The following PGR variants were observed in gnomAD, a reference collection of about 807,000 sequenced individuals.
PGR encodes nuclear receptor subfamily 3 group C member 3.
PGR carries 25 observed loss-of-function variants against 76.1 expected under a neutral mutation model. The observed-to-expected ratio is 0.33, with a 90% confidence interval of 0.24 to 0.46. The LOEUF is 0.46. PGR is among the 20% of genes least tolerant of loss of function. The pLI, the probability that PGR is intolerant of heterozygous loss-of-function variation, is 1.00. For missense variants in PGR, 1,172 were observed against 1,225.3 expected (o/e 0.96, Z 0.65); for synonymous variants, 579 against 535.0 (o/e 1.08, Z -1.14).
intron 4 of PGR, among the ~76,000 whole-genome samples, chr11:101,059,842 C>CAAAAAAAAAAAAAAAA (rs781123527): frequency 4.8e-4 from 30 of 62,706 alleles, no homozygotes; most frequent in East Asian, 2.1e-3. Context: ...GACCCTCTCT[C>CAAAAAAAAAAAAAAAA]AAAAAAAAAA....
intron 2 of PGR, among the ~76,000 whole-genome samples, chr11:101,123,559 T>C (rs576959946): frequency 1.3e-5 from 2 of 152,368 alleles, no homozygotes; most frequent in African/African-American, 4.8e-5. Context: ...AATTTCCTAA[T>C]GTGAACATTC....
chr11:101,129,253 C>T lies in PGR; in HGVS notation c.-183G>A, dbSNP rs1863023666. 5.6e-6 allele frequency: 3 copies of T among 531,144 alleles called. No homozygotes were observed. The highest frequency in any genetic ancestry group is 1.9e-5 in the African/African-American group (1 of 52,702). The allele number at this position is 531,144 out of a possible 1,614,324, so 32.9% of individuals were successfully genotyped here. The stretch of plus-strand genomic sequence containing the variant: ...AGGGCGGCGCTGGTCAGCTCCTGCC[C>T]TTGGCCTCCATCCTGTCGTCAGGGG... On this transcript the variant is annotated 5_prime_UTR_variant, in exon 1 of 8. Coordinates refer to ENST00000325455, the MANE Select transcript of PGR (RefSeq NM_000926.4).
At position 101,126,015 on chromosome 11, in the gene PGR, G is replaced by A; in HGVS notation, c.1781C>T (p.Ala594Val). 6.2e-7 allele frequency: 1 copy of A among 1,613,666 alleles called. No homozygotes were observed. Among genetic ancestry groups the A allele is most frequent in the Non-Finnish European group, 8.5e-7 (1 of 1,179,674 alleles). The change falls in exon 2 of 8, where the codon GCA (alanine) becomes GTA (valine). Residue 594 changes from alanine (A) to valine (V), a missense_variant. Around this residue, in one of 4 missense-constraint regions of PGR, gnomAD observed 40 missense variants for 82.7 expected, o/e 0.48. Transcript: ENST00000325455. ...AGGGGAAAGGAGCCTACCTTCCATTGCCCTCTTAAAGAAGACCTTACAGCT... is the reference window on the plus strand; with the variant it reads ...AGGGGAAAGGAGCCTACCTTCCATTACCCTCTTAAAGAAGACCTTACAGCT... ...CGSCKVFFKR[A>V]MEGQHNYLCA...
chr11:101,113,109 CA>C (rs146669057), intron 2 of PGR, among the ~76,000 whole-genome samples: 18,501 of 152,146 alleles, frequency 0.12, 1,389 homozygotes, highest in Non-Finnish European at 0.16. Context: ...ACCTTCACAA[CA>C]AAATCAAATA....
chr11:101,128,269 C>G lies in PGR; in HGVS notation c.802G>C (p.Val268Leu). Residue 268 changes from valine (V) to leucine (L), a missense_variant, in exon 1 of 8, where the codon GTC becomes CTC. Coordinates refer to ENST00000325455, the MANE Select transcript of PGR (RefSeq NM_000926.4). ...PGAAAGGVAL[V>L]PKEDSRFSAP... ...GAGAAGCGGGAATCTTCCTTGGGGA[C>G]CAGGGCGACGCCTCCTGCTGCCGCC... is the stretch of plus-strand genomic sequence containing the variant. 6.3e-7 allele frequency: 1 copy of G among 1,592,364 alleles called. No individual in the cohort carries two copies. Among genetic ancestry groups the G allele is most frequent in the Non-Finnish European group, 8.5e-7 (1 of 1,175,858 alleles).
At position 101,127,421 on chromosome 11, in the gene PGR, C is replaced by T; in HGVS notation, c.1637+13G>A. ...CCCGGACGCGCTGGGCGTGCCCCGT[C>T]CCGGGCCCTCACCTCAGGTAGTTGA... On this transcript the variant is annotated intron_variant, in intron 1 of 7. Transcript: ENST00000325455. 1 of 1,531,566 alleles carries T rather than the reference C, an allele frequency of 6.5e-7. No homozygotes were observed. The highest frequency in any genetic ancestry group is 2.0e-4 in the Middle Eastern group (1 of 5,016). The allele number at this position is 1,531,566 out of a possible 1,614,324, so 94.9% of individuals were successfully genotyped here. A position where few individuals can be genotyped will look rare whatever the true frequency, so the allele number is the denominator to read the frequency against.
At chr11:101,044,686 A>G (rs946140361) in intron 6 of PGR, among the ~76,000 whole-genome samples, 4 of 133,072 alleles carry the variant, frequency 3.0e-5, no homozygotes, top group Non-Finnish European at 6.4e-5. Flanking sequence ...CAAGATTGTT[A>G]GTTGGCCTAA....
chr11:101,068,666 A>G (rs1265437907), intron 3 of PGR, among the ~76,000 whole-genome samples: 1 of 152,192 alleles, frequency 6.6e-6, no homozygotes, highest in Non-Finnish European at 1.5e-5. Context: ...GTACCCAAAC[A>G]GATATATAGA....
At chr11:101,061,160 C>A (rs1456480434) in intron 4 of PGR, among the ~76,000 whole-genome samples, 1 of 152,092 alleles carries the variant, frequency 6.6e-6, no homozygotes, top group East Asian at 1.9e-4. Flanking sequence ...AAAAGTTCAT[C>A]AATGCTATTG....
In PGR at chr11:101,127,656, T is replaced by C; in HGVS notation, c.1415A>G (p.Gln472Arg). Residue 472 changes from glutamine (Q) to arginine (R), a missense_variant, in exon 1 of 8, where the codon CAG becomes CGG. Gln to Arg is a conservative substitution (Grantham distance 43). Around this residue, in one of 4 missense-constraint regions of PGR, gnomAD observed 893 missense variants for 785.9 expected, o/e 1.14. Transcript: ENST00000325455. ...LYKAEGAPPQ[Q>R]GPFAPPPCKA... ...GCAGGGCGGCGGCGCGAACGGGCCC[T>C]GCTGGGGCGGCGCGCCCTCCGCTTT... The C allele has an allele frequency of 6.6e-7, 1 of 1,524,990 alleles. No homozygotes were observed. 94.5% of individuals were successfully genotyped at this position (1,524,990 alleles called of 1,614,324 possible).
At chr11:101,080,435 T>A (rs536465214) in intron 3 of PGR, among the ~76,000 whole-genome samples, 2 of 147,704 alleles carry the variant, frequency 1.4e-5, no homozygotes, top group African/African-American at 5.0e-5. Context: ...AAAAAATTAT[T>A]AAAATAATAA....
intron 1 of PGR, among the ~76,000 whole-genome samples, 191 bp from the exon 2 acceptor site, chr11:101,126,349 G>A (rs1418992934): frequency 6.6e-6 from 1 of 152,166 alleles, no homozygotes; most frequent in Non-Finnish European, 1.5e-5. Context: ...ACTTGCAAAT[G>A]ATTAGCCATT....
rs1275205508 is a variant in PGR at position 101,031,751 on chromosome 11, A to C, written c.*7365T>G. 1 of 227,626 alleles carries C rather than the reference A, an allele frequency of 4.4e-6. No individual in the cohort carries two copies. The highest frequency in any genetic ancestry group is 2.2e-5 in the African/African-American group (1 of 45,038). 14.1% of individuals were successfully genotyped at this position (227,626 alleles called of 1,614,324 possible). A position where few individuals can be genotyped will look rare whatever the true frequency, so the allele number is the denominator to read the frequency against. On this transcript the variant is annotated 3_prime_UTR_variant, in exon 8 of 8. Coordinates refer to ENST00000325455, the MANE Select transcript of PGR (RefSeq NM_000926.4). Reference sequence around the variant, plus strand: ...CTTTGATGGAACTTGGTTCCATAGAAGGAATCCCAGATAAGGCTTTTTAAA... The same window carrying C: ...CTTTGATGGAACTTGGTTCCATAGACGGAATCCCAGATAAGGCTTTTTAAA...
chr11:101,117,250 A>T (rs1347815012), intron 2 of PGR, among the ~76,000 whole-genome samples: 2 of 152,090 alleles, frequency 1.3e-5, no homozygotes, highest in Non-Finnish European at 2.9e-5. Context: ...TATTATTTTA[A>T]TCAGTAATGC....
chr11:101,056,234 A>AG, intron 4 of PGR, among the ~76,000 whole-genome samples: 1 of 64,176 alleles, frequency 1.6e-5, no homozygotes, highest in East Asian at 0.028. Flanking sequence ...AACAAATGTT[A>AG]AAAAAAAAAA....
chr11:101,076,974 T>G, intron 3 of PGR, among the ~76,000 whole-genome samples: 1 of 140,290 alleles, frequency 7.1e-6, no homozygotes, highest in South Asian at 2.3e-4. Context: ...TACTGCCTCA[T>G]AATTACCTCT....
At chr11:101,096,519 G>T (rs1861837883) in intron 2 of PGR, among the ~76,000 whole-genome samples, 1 of 152,158 alleles carries the variant, frequency 6.6e-6, no homozygotes, top group Non-Finnish European at 1.5e-5. Flanking sequence ...ATAATGCATG[G>T]CCAGGACTCA....
intron 4 of PGR, among the ~76,000 whole-genome samples, chr11:101,055,744 T>C (rs892508287): frequency 3.9e-5 from 6 of 152,212 alleles, no homozygotes; most frequent in Admixed American, 3.3e-4. Flanking sequence ...TTTACATGTT[T>C]ACATTCACTT....
Position 101,035,891 on chromosome 11 carries a change from A to T in PGR, c.*3225T>A, listed in dbSNP as rs1859494872. ...GTAGAATATAGCTGGTGAGTTTGAT[A>T]AAATTATAGCCAGAACTATGGCTTA... On this transcript the variant is annotated 3_prime_UTR_variant, in exon 8 of 8. Transcript: ENST00000325455. The T allele has an allele frequency of 8.7e-6, 2 of 230,924 alleles. No homozygotes were observed. Among genetic ancestry groups the T allele is most frequent in the Non-Finnish European group, 1.7e-5 (2 of 116,642 alleles). The allele number at this position is 230,924 out of a possible 1,614,324, so 14.3% of individuals were successfully genotyped here.
Sources: gnomAD v4.1 joint callset for allele counts (sites outside exome capture counted in the v4.1 genomes callset) on GRCh38, gnomAD v4.1.1 for gene constraint, gnomAD v4.1.1 regional missense constraint, MANE v1.5 for transcripts, NCBI Gene and HGNC (gene_info 2026-07-23, HGNC 2026-07-21) for gene names.